CLPTM1: variants seen among roughly 807,000 people sequenced by gnomAD.
The protein encoded by CLPTM1 is CLPTM1 regulator of GABA type A receptor forward trafficking.
A neutral mutation model predicts 77.3 loss-of-function variants in CLPTM1; 21 were observed. The observed-to-expected ratio is 0.27, with a 90% CI of 0.19 to 0.39. CLPTM1 has a LOEUF of 0.39. Ranked by LOEUF, CLPTM1 falls within the 10% of genes least tolerant of loss-of-function variation. CLPTM1 has a pLI of 1.00. For missense variants in CLPTM1, 642 were observed against 921.2 expected, an observed-to-expected ratio of 0.70 and a Z score of 3.92; for synonymous variants, 373 against 381.0, an observed-to-expected ratio of 0.98 and a Z score of 0.24.
At position 44,987,215 on chromosome 19, in the gene CLPTM1, C is replaced by T; in HGVS notation, c.830C>T (p.Pro277Leu). The change falls in exon 8 of 14, where the codon CCC becomes CTC. Residue 277 changes from proline to leucine, a missense_variant. Pro to Leu is a moderately conservative substitution (Grantham distance 98, BLOSUM62 -3). Coordinates refer to ENST00000337392, the MANE Select transcript of CLPTM1 (RefSeq NM_001294.4). The stretch of plus-strand genomic sequence containing the variant: ...GACGCCGTGAGCGGTGACTACTATC[C>T]CATCATCTACTTCAATGACTACTGG... ...KFDAVSGDYY[P>L]IIYFNDYWNL... The T allele has an allele frequency of 1.2e-6, 2 of 1,614,154 alleles. No individual in the cohort carries two copies. Among genetic ancestry groups the T allele is most frequent in the East Asian group, 2.2e-5 (1 of 44,882 alleles).
upstream of CLPTM1, chr19:44,954,633 C>A (rs1272113801): frequency 1.2e-5 from 13 of 1,091,710 alleles, no homozygotes; most frequent in African/African-American, 1.6e-5. Context: ...TAGAGCTGTA[C>A]GAAGACACAC....
At chr19:44,967,171 T>C (rs1432440322) in intron 2 of CLPTM1, among the ~76,000 whole-genome samples, 2 of 151,384 alleles carry the variant, frequency 1.3e-5, no homozygotes, top group Admixed American at 6.6e-5. Flanking sequence ...ACTAAAAAAT[T>C]AGCTGGGTGT....
chr19:44,976,865 T>C (rs1166855219), intron 4 of CLPTM1, among the ~76,000 whole-genome samples: 3 of 152,194 alleles, frequency 2.0e-5, no homozygotes, highest in Non-Finnish European at 2.9e-5. Context: ...ACATGACCCA[T>C]TGCATAAGGT....
chr19:44,986,750 A>C, intron 7 of CLPTM1, 175 bp downstream of exon 7: 2 of 745,888 alleles, frequency 2.7e-6, no homozygotes, highest in South Asian at 2.0e-5. Context: ...CCACACCACC[A>C]CCCCTGGGGA....
intron 5 of CLPTM1, among the ~76,000 whole-genome samples, chr19:44,984,928 A>T (rs576099471): frequency 2.8e-4 from 43 of 152,150 alleles, no homozygotes; most frequent in African/African-American, 9.9e-4. Flanking sequence ...ACCTCAGGGG[A>T]TCTGCCCGCC....
rs1970969737 is a variant in CLPTM1, at chr19:44,985,906, G to A, written c.673-549G>A. On this transcript the variant is annotated intron_variant, in intron 6 of 13. Coordinates refer to ENST00000337392, the MANE Select transcript of CLPTM1 (RefSeq NM_001294.4). ...GGCTGGGCTTCGCAGCCTGGCCTAG[G>A]ATGCCAGCCCTGCCTCTACCTCTAC... is the stretch of plus-strand genomic sequence containing the variant. 2.6e-5 allele frequency among the ~76,000 whole-genome samples: 4 copies of A among 152,316 alleles called. No individual in the cohort carries two copies. The South Asian group carries it at 8.3e-4, about 32-fold the overall frequency.
intron 5 of CLPTM1, among the ~76,000 whole-genome samples, chr19:44,981,711 G>C (rs1220042052): frequency 6.6e-6 from 1 of 151,966 alleles, no homozygotes; most frequent in Non-Finnish European, 1.5e-5. Context: ...CTAGGAGTTC[G>C]AGACCAGCCT....
chr19:44,990,227 A>T lies in CLPTM1; in HGVS notation c.1133-168A>T. 1.5e-6 allele frequency: 1 copy of T among 666,310 alleles called. No homozygotes were observed. 41.3% of individuals were successfully genotyped at this position (666,310 alleles called of 1,614,324 possible). A position where few individuals can be genotyped will look rare whatever the true frequency, so the allele number is the denominator to read the frequency against. ...TGTCTGGTGCTCTGGGGGTCACCCA[A>T]TGAATATGAGAGCCTTCCTGGGAGA... On this transcript the variant is annotated intron_variant, in intron 9 of 13. Coordinates refer to ENST00000337392, the MANE Select transcript of CLPTM1 (RefSeq NM_001294.4). The surrounding 1 kb of genome is among the most constrained non-coding windows in gnomAD (Gnocchi z 4.8).
chr19:44,954,959 A>T (rs977380927), upstream of CLPTM1: 5 of 1,532,468 alleles, frequency 3.3e-6, no homozygotes, highest in East Asian at 1.2e-4. Context: ...TCCTCTGACG[A>T]AAGAGGGGCG....
rs903924533 is a variant in CLPTM1, at chr19:44,970,387, G to A, written c.186-2700G>A. Reference sequence around the variant, plus strand: ...TCTGGTTACCTCATATGTTGTATGTGCCCTGGGCTAGCATTTTTTTTTTTT... The same window carrying A: ...TCTGGTTACCTCATATGTTGTATGTACCCTGGGCTAGCATTTTTTTTTTTT... On this transcript the variant is annotated intron_variant, in intron 2 of 13. Coordinates refer to ENST00000337392, the MANE Select transcript of CLPTM1 (RefSeq NM_001294.4). Among the ~76,000 whole-genome samples the A allele has an allele frequency of 5.3e-5, 7 of 132,456 alleles. 2 individuals carry two copies. Among genetic ancestry groups the A allele is most frequent in the East Asian group, 2.1e-4 (1 of 4,742 alleles). The allele number at this position is 132,456 out of a possible 152,430, so 86.9% of individuals were successfully genotyped here.
rs1334124668 is a variant in CLPTM1 at position 44,955,390 on chromosome 19, G to A, written c.-6G>A. ...GGCGGCGGGGGCGGGGACCCGGAGCGGGAAGATGGCGGCGGCGCAGGAGGC... is the reference window on the plus strand; with the variant it reads ...GGCGGCGGGGGCGGGGACCCGGAGCAGGAAGATGGCGGCGGCGCAGGAGGC... On this transcript the variant is annotated 5_prime_UTR_variant, in exon 1 of 14. Transcript: ENST00000337392. 1.5e-6 allele frequency: 2 copies of A among 1,337,784 alleles called. No individual in the cohort carries two copies. The highest frequency in any genetic ancestry group is 1.9e-6 in the Non-Finnish European group (2 of 1,044,644). 82.9% of individuals were successfully genotyped at this position (1,337,784 alleles called of 1,614,324 possible). A position where few individuals can be genotyped will look rare whatever the true frequency, so the allele number is the denominator to read the frequency against.
At chr19:44,986,379 G>A in intron 6 of CLPTM1, 76 bp from the exon 7 acceptor site, 1 of 1,527,882 alleles carries the variant, frequency 6.5e-7, no homozygotes, top group South Asian at 1.2e-5. Flanking sequence ...GAACCCTGGG[G>A]AGGAAGTGTA....
intron 6 of CLPTM1, 129 bp downstream of exon 6, chr19:44,985,432 C>A: frequency 1.5e-6 from 1 of 653,886 alleles, no homozygotes. Flanking sequence ...GCCACCTCCC[C>A]TCCCTGAGCA....
At chr19:44,967,066 C>G (rs1320996483) in intron 2 of CLPTM1, among the ~76,000 whole-genome samples, 2 of 152,168 alleles carry the variant, frequency 1.3e-5, no homozygotes, top group African/African-American at 2.4e-5. Flanking sequence ...TAGTCTCGAT[C>G]TCCTGACCTC....
chr19:44,988,207 G>A (rs765699299), intron 9 of CLPTM1, 34 bp downstream of exon 9: 9 of 1,498,518 alleles, frequency 6.0e-6, no homozygotes, highest in African/African-American at 1.4e-5. Flanking sequence ...GTGAGAGGCT[G>A]TGCAGGGTGG....
Position 44,992,361 on chromosome 19 carries a change from A to G in CLPTM1, c.1684A>G (p.Lys562Glu). The change falls in exon 13 of 14, where the codon AAG (lysine) becomes GAG (glutamate). Residue 562 changes from lysine (K) to glutamate (E), a missense_variant. Physicochemically the swap from Lys to Glu is moderately conservative, Grantham distance 56. Coordinates refer to ENST00000337392, the MANE Select transcript of CLPTM1 (RefSeq NM_001294.4). This position sits in a 1 kb window ranked among gnomAD's most constrained non-coding sequence, Gnocchi z 7.7. ...CGACGACCTGTTCGCCTTTGTCATC[A>G]AGATGCCCGTTATGTACCGGATCGG... ...FIDDLFAFVI[K>E]MPVMYRIGCL... 1.9e-6 allele frequency: 3 copies of G among 1,614,110 alleles called. No homozygotes were observed. Among genetic ancestry groups the G allele is most frequent in the Non-Finnish European group, 2.5e-6 (3 of 1,179,984 alleles).
At chr19:44,960,927 G>A (rs895338777) in intron 1 of CLPTM1, among the ~76,000 whole-genome samples, 2 of 152,198 alleles carry the variant, frequency 1.3e-5, no homozygotes, top group African/African-American at 4.8e-5. Flanking sequence ...AATGAGAACA[G>A]GACTGGGGAG....
intron 1 of CLPTM1, among the ~76,000 whole-genome samples, chr19:44,960,331 T>C: frequency 6.6e-6 from 1 of 152,170 alleles, no homozygotes; most frequent in Non-Finnish European, 1.5e-5. Flanking sequence ...AATTATCCTG[T>C]TTACCGTTCT....
chr19:44,954,599 G>T, upstream of CLPTM1: 3 of 1,029,848 alleles, frequency 2.9e-6, no homozygotes, highest in Non-Finnish European at 3.5e-6. Context: ...CCAAACTAAG[G>T]GTCTCTCAGC....
Sources: gnomAD v4.1 joint callset for allele counts (sites outside exome capture counted in the v4.1 genomes callset) on GRCh38, gnomAD v4.1.1 for gene constraint, Gnocchi (gnomAD v3.1) non-coding constraint, MANE v1.5 for transcripts, NCBI Gene and HGNC (gene_info 2026-07-23, HGNC 2026-07-21) for gene names.